The following PLD1 variants were observed in gnomAD, a reference collection of about 807,000 sequenced individuals.
PLD1 encodes the protein phospholipase D1.
A neutral mutation model predicts 137.1 loss-of-function variants in PLD1; 112 were observed. The ratio of observed to expected loss-of-function variants is 0.82; its 90% CI spans 0.70 to 0.96. PLD1 has a LOEUF of 0.96. PLD1 is among the 40% of genes least tolerant of loss of function. The pLI is 0.00. For synonymous variants in PLD1, 431 were observed against 454.7 expected (o/e 0.95, Z 0.66); for missense variants, 1,321 against 1,342.0 (o/e 0.98, Z 0.24).
At chr3:171,636,102 A>G (rs1456174278) in intron 23 of PLD1, among the ~76,000 whole-genome samples, 1 of 150,404 alleles carries the variant, frequency 6.6e-6, no homozygotes, top group Non-Finnish European at 1.5e-5. Context: ...GACCATAATC[A>G]TAAGAATTAT....
intron 16 of PLD1, among the ~76,000 whole-genome samples, chr3:171,686,037 T>C (rs1419147992): frequency 6.7e-6 from 1 of 149,014 alleles, no homozygotes; most frequent in Non-Finnish European, 1.5e-5. Context: ...GGCAGGAGAA[T>C]CGCTAAAACC....
chr3:171,652,805 A>G (rs1736902425), intron 21 of PLD1, among the ~76,000 whole-genome samples: 1 of 119,006 alleles, frequency 8.4e-6, no homozygotes, highest in Non-Finnish European at 1.6e-5. Flanking sequence ...TGTAGAGACT[A>G]GGTCTCACTA....
In PLD1 at chr3:171,612,378, G is replaced by A. The variant is rs1195784429; in HGVS notation, c.2783C>T (p.Ala928Val). The A allele has an allele frequency of 6.2e-7, 1 of 1,613,840 alleles. No individual in the cohort carries two copies. Among genetic ancestry groups the A allele is most frequent in the Non-Finnish European group, 8.5e-7 (1 of 1,179,848 alleles). Residue 928 changes from alanine (A) to valine (V), a missense_variant, in exon 25 of 27, where the codon GCT becomes GTT. Physicochemically the swap from Ala to Val is moderately conservative, Grantham distance 64. Transcript: ENST00000351298. This position sits in a 1 kb window ranked among gnomAD's most constrained non-coding sequence, Gnocchi z 4.1. Reference protein sequence around the residue: ...SMLGKRDSEMAVIVQDTETVP... With the variant: ...SMLGKRDSEMVVIVQDTETVP... ...AGTCTCTGTATCTTGCACAATGACAGCCATTTCACTGTCACGCTTTCCCAG... is the reference window on the plus strand; with the variant it reads ...AGTCTCTGTATCTTGCACAATGACAACCATTTCACTGTCACGCTTTCCCAG...
At chr3:171,713,376 G>A (rs1215955284) in intron 9 of PLD1, among the ~76,000 whole-genome samples, 6 of 152,170 alleles carry the variant, frequency 3.9e-5, no homozygotes, top group Non-Finnish European at 7.4e-5. Flanking sequence ...TGGGAGAATC[G>A]CTTGAACCTG....
intron 1 of PLD1, among the ~76,000 whole-genome samples, chr3:171,769,943 A>G (rs2108328321): frequency 6.6e-6 from 1 of 152,358 alleles, no homozygotes; most frequent in South Asian, 2.1e-4. Context: ...TTAAAGTAAC[A>G]TGAAAGCAAG....
At chr3:171,620,752 A>ATATATATATATATAT (rs1733544850) in intron 23 of PLD1, among the ~76,000 whole-genome samples, 1 of 133,750 alleles carries the variant, frequency 7.5e-6, no homozygotes, top group African/African-American at 3.1e-5. Flanking sequence ...CTATATATAT[A>ATATATATATATATAT]TATATATATA....
At chr3:171,673,557 C>T (rs1011201517) in intron 19 of PLD1, among the ~76,000 whole-genome samples, 2 of 152,174 alleles carry the variant, frequency 1.3e-5, no homozygotes, top group African/African-American at 2.4e-5. Context: ...AGGTGGGAGC[C>T]ACCACACCTG....
chr3:171,605,546 C>G (rs539617715), intron 25 of PLD1, 130 bp from the exon 26 acceptor site: 1 of 651,102 alleles, frequency 1.5e-6, no homozygotes, highest in African/African-American at 1.8e-5. Flanking sequence ...CATGACCTAG[C>G]TACTCTCATA....
At chr3:171,610,970 T>G (rs934377775) in intron 25 of PLD1, among the ~76,000 whole-genome samples, 4 of 152,192 alleles carry the variant, frequency 2.6e-5, no homozygotes, top group African/African-American at 9.7e-5. Flanking sequence ...AAGTCTGGAT[T>G]GGTAGGAATG....
At chr3:171,626,132 A>G (rs545576741) in intron 23 of PLD1, among the ~76,000 whole-genome samples, 3 of 152,362 alleles carry the variant, frequency 2.0e-5, no homozygotes, top group African/African-American at 7.2e-5. Flanking sequence ...TATAACTGGA[A>G]TAACCAATAC....
intron 25 of PLD1, among the ~76,000 whole-genome samples, chr3:171,610,192 T>C (rs529594729): frequency 6.6e-6 from 1 of 152,192 alleles, no homozygotes; most frequent in Non-Finnish European, 1.5e-5. Context: ...ATACCCATTT[T>C]TTTATATCAG....
chr3:171,632,222 T>C (rs1216902080), intron 23 of PLD1, among the ~76,000 whole-genome samples: 6 of 152,152 alleles, frequency 3.9e-5, no homozygotes, highest in African/African-American at 1.4e-4. Flanking sequence ...ATAGAGCAAC[T>C]GGCCTGTACT....
intron 23 of PLD1, among the ~76,000 whole-genome samples, chr3:171,635,095 T>C (rs1734996068): frequency 6.6e-6 from 1 of 152,146 alleles, no homozygotes; most frequent in Non-Finnish European, 1.5e-5. Flanking sequence ...ATGTAGTATA[T>C]GTCAGTTCAT....
chr3:171,726,626 G>C (rs968274546), intron 6 of PLD1, among the ~76,000 whole-genome samples: 1 of 152,100 alleles, frequency 6.6e-6, no homozygotes, highest in African/African-American at 2.4e-5. Context: ...AAAGAGAATG[G>C]GGAGGGCTTT....
At chr3:171,788,620 T>G (rs1723106333) in intron 1 of PLD1, 1 of 113,800 alleles carries the variant, frequency 8.8e-6, no homozygotes, top group Non-Finnish European at 1.9e-5. Context: ...TTGAATTGTT[T>G]AAAAACTTTT....
At chr3:171,784,625 C>T (rs375226426) in intron 1 of PLD1, among the ~76,000 whole-genome samples, 2 of 152,136 alleles carry the variant, frequency 1.3e-5, no homozygotes, top group Non-Finnish European at 2.9e-5. Context: ...TCTTGCTGTT[C>T]CCTCCCCTGG....
intron 19 of PLD1, among the ~76,000 whole-genome samples, chr3:171,668,110 A>T (rs1178097832): frequency 6.6e-6 from 1 of 152,242 alleles, no homozygotes; most frequent in African/African-American, 2.4e-5. Context: ...CTGTAGAAAC[A>T]GGCTGCACAG....
chr3:171,617,497 C>T (rs1578111747), intron 24 of PLD1, among the ~76,000 whole-genome samples: 1 of 151,590 alleles, frequency 6.6e-6, no homozygotes, highest in African/African-American at 2.4e-5. Context: ...ACTCACGTTT[C>T]GCATCTCTCT....
At chr3:171,706,245 C>T (rs1010492679) in intron 11 of PLD1, among the ~76,000 whole-genome samples, 6 of 150,888 alleles carry the variant, frequency 4.0e-5, no homozygotes, top group African/African-American at 1.5e-4. Context: ...TTTCCCTTCC[C>T]TTTCCTATCC....
Sources: gnomAD v4.1 joint callset for allele counts (sites outside exome capture counted in the v4.1 genomes callset) on GRCh38, gnomAD v4.1.1 for gene constraint, Gnocchi (gnomAD v3.1) non-coding constraint, MANE v1.5 for transcripts, NCBI Gene and HGNC (gene_info 2026-07-23, HGNC 2026-07-21) for gene names.